SHANK2: variants seen among roughly 807,000 people sequenced by gnomAD.
SHANK2 encodes the protein SH3 and multiple ankyrin repeat domains protein 2.
Under a neutral mutation model 133.7 loss-of-function variants are expected in SHANK2, and 43 were observed. The observed-to-expected ratio is 0.32, with a 90% CI of 0.25 to 0.41. The LOEUF is 0.41. Among genes scored for constraint, SHANK2 ranks in the 10% least tolerant of loss-of-function variants. SHANK2 has a pLI of 1.00. For missense variants in SHANK2, 1,994 were observed against 2,235.8 expected (o/e 0.89, Z 2.18); for synonymous variants, 1,017 against 952.8 (o/e 1.07, Z -1.24).
intron 11 of SHANK2, among the ~76,000 whole-genome samples, chr11:70,883,485 G>A (rs553322201): frequency 1.8e-4 from 28 of 152,288 alleles, no homozygotes; most frequent in African/African-American, 6.5e-4. Context: ...CCTGGTGCAG[G>A]GCTTCCATGT....
intron 6 of SHANK2, among the ~76,000 whole-genome samples, chr11:71,096,684 A>T (rs541847247): frequency 6.6e-6 from 1 of 152,150 alleles, no homozygotes; most frequent in South Asian, 2.1e-4. Context: ...AGCGTGTGAC[A>T]CTCGTTCGGG....
At chr11:71,056,855 G>GAAAGA (rs1274648083) in intron 9 of SHANK2, among the ~76,000 whole-genome samples, 16 of 149,012 alleles carry the variant, frequency 1.1e-4, no homozygotes, top group Non-Finnish European at 1.9e-4. Flanking sequence ...GAAGAAAGAA[G>GAAAGA]AAAGAAAAGA....
intron 14 of SHANK2, among the ~76,000 whole-genome samples, chr11:70,768,351 T>C (rs1349351133): frequency 5.3e-5 from 8 of 152,268 alleles, no homozygotes; most frequent in Admixed American, 2.0e-4. Flanking sequence ...ACCTGAGAGA[T>C]AGGCAAGAAT....
At chr11:70,720,018 ACCTCT>A (rs1946040936) in intron 14 of SHANK2, among the ~76,000 whole-genome samples, 1 of 152,024 alleles carries the variant, frequency 6.6e-6, no homozygotes, top group Non-Finnish European at 1.5e-5. Context: ...AGGTTCCTCA[ACCTCT>A]CTGAGATTCA....
chr11:71,152,719 A>G (rs1952821581), intron 2 of SHANK2, among the ~76,000 whole-genome samples: 1 of 152,142 alleles, frequency 6.6e-6, no homozygotes, highest in Non-Finnish European at 1.5e-5. Flanking sequence ...AGGTGAGCAG[A>G]GAGGAGGAGA....
intron 14 of SHANK2, among the ~76,000 whole-genome samples, chr11:70,703,926 G>T (rs1945601779): frequency 1.3e-5 from 2 of 152,238 alleles, no homozygotes; most frequent in African/African-American, 4.8e-5. Flanking sequence ...CCCAGCCCTG[G>T]GCTCCTGCAG....
At chr11:70,617,703 C>T (rs934779610) in intron 17 of SHANK2, among the ~76,000 whole-genome samples, 9 of 152,250 alleles carry the variant, frequency 5.9e-5, no homozygotes, top group Admixed American at 1.3e-4. Context: ...GTTTACCCCA[C>T]GTGCATATGA....
intron 9 of SHANK2, among the ~76,000 whole-genome samples, chr11:71,072,352 C>T (rs889244239): frequency 1.3e-5 from 2 of 152,366 alleles, no homozygotes; most frequent in South Asian, 2.1e-4. Flanking sequence ...GGTGCACACA[C>T]TGGGCGGGGT....
chr11:70,937,650 A>G (rs1036837358), intron 10 of SHANK2, among the ~76,000 whole-genome samples: 13 of 151,382 alleles, frequency 8.6e-5, no homozygotes, highest in Non-Finnish European at 1.8e-4. Flanking sequence ...GGCTACTCCC[A>G]TCTTTTGAGT....
chr11:70,621,241 TGAG>T (rs1178669279), intron 17 of SHANK2, among the ~76,000 whole-genome samples: 26 of 152,194 alleles, frequency 1.7e-4, no homozygotes, highest in African/African-American at 6.3e-4. Flanking sequence ...CCTAGACACT[TGAG>T]GAGATTAAGT....
chr11:70,783,676 A>G (rs1271864261), intron 14 of SHANK2, among the ~76,000 whole-genome samples: 2 of 148,996 alleles, frequency 1.3e-5, no homozygotes, highest in African/African-American at 4.9e-5. Flanking sequence ...GAGGGAGCTG[A>G]GGAGGCAGAG....
At chr11:71,177,748 A>G (rs1953475069) in intron 2 of SHANK2, among the ~76,000 whole-genome samples, 1 of 152,248 alleles carries the variant, frequency 6.6e-6, no homozygotes, top group Non-Finnish European at 1.5e-5. Flanking sequence ...CAATTCAAAA[A>G]TAGGCAAAGA....
At chr11:70,801,059 A>G (rs979795307) in intron 13 of SHANK2, among the ~76,000 whole-genome samples, 4 of 152,198 alleles carry the variant, frequency 2.6e-5, no homozygotes, top group African/African-American at 9.6e-5. Flanking sequence ...GCATGACAAT[A>G]CTATCTAGCT....
rs375488519 is a variant in SHANK2, at chr11:70,522,856, A to G, written c.2062-19925T>C. 9.8e-5 allele frequency among the ~76,000 whole-genome samples: 15 copies of G among 152,314 alleles called. No individual in the cohort carries two copies. The East Asian group carries it at 2.9e-3, about 29-fold the overall frequency. ...GAAGGGAAGCCGCCCCAAGCCAGCC[A>G]GGCATTTGGGCCCCTAAATGCCACA... On this transcript the variant is annotated intron_variant, in intron 17 of 25. Transcript: ENST00000601538.
chr11:71,086,620 C>T (rs1169496154), intron 8 of SHANK2, among the ~76,000 whole-genome samples: 1 of 149,708 alleles, frequency 6.7e-6, no homozygotes, highest in Non-Finnish European at 1.5e-5. Context: ...TGGGCCCCAT[C>T]CAATCAGTTG....
chr11:70,588,114 A>G lies in SHANK2; in HGVS notation c.2061+71714T>C, dbSNP rs77746002. 7.0e-3 allele frequency among the ~76,000 whole-genome samples: 1,060 copies of G among 152,304 alleles called. 13 individuals carry two copies. The highest frequency in any genetic ancestry group is 0.024 in the African/African-American group (1,014 of 41,568). On this transcript the variant is annotated intron_variant, in intron 17 of 25. Transcript: ENST00000601538. Reference sequence around the variant, plus strand: ...GTTGTGTGTTCTGACTGATCTATCAACTGGCTGGTCCATCGTCTCTTCCCA... The same window carrying G: ...GTTGTGTGTTCTGACTGATCTATCAGCTGGCTGGTCCATCGTCTCTTCCCA...
intron 2 of SHANK2, among the ~76,000 whole-genome samples, chr11:71,207,678 C>T (rs1379264783): frequency 6.6e-6 from 1 of 152,168 alleles, no homozygotes; most frequent in Non-Finnish European, 1.5e-5. Flanking sequence ...AAAAACAAAT[C>T]GACAGAGCAG....
At chr11:70,736,435 G>A (rs1270518660) in intron 14 of SHANK2, among the ~76,000 whole-genome samples, 1 of 152,198 alleles carries the variant, frequency 6.6e-6, no homozygotes, top group Non-Finnish European at 1.5e-5. Flanking sequence ...GATTTCCCAG[G>A]GGGGTCTTAA....
At chr11:70,903,391 T>TAAATAAAATAAAAAATAAAATAAAATA (rs1950050633) in intron 10 of SHANK2, among the ~76,000 whole-genome samples, 1 of 125,826 alleles carries the variant, frequency 7.9e-6, no homozygotes, top group Non-Finnish European at 1.6e-5. Context: ...TAAAATAAAG[T>TAAATAAAATAAAAAATAAAATAAAATA]AAATAAAATA....
Sources: allele counts gnomAD v4.1 joint callset (sites outside exome capture counted in the v4.1 genomes callset), GRCh38; gene constraint gnomAD v4.1.1; transcripts MANE v1.5; gene names NCBI Gene and HGNC (gene_info 2026-07-23, HGNC 2026-07-21).